Variants in ANKRD36 observed in about 807,000 individuals in gnomAD.
ANKRD36 encodes the protein ankyrin repeat domain-containing protein 36A.
ANKRD36 carries 179 observed loss-of-function variants against 278.1 expected under a neutral mutation model. That is an observed-to-expected ratio of 0.64 (90% CI 0.57 to 0.73). ANKRD36 has a LOEUF of 0.73. ANKRD36 is among the 30% of genes least tolerant of loss of function. The pLI is 0.00. For synonymous variants in ANKRD36, 320 were observed against 641.1 expected (o/e 0.50, Z 7.57); for missense variants, 1,159 against 1,956.7 (o/e 0.59, Z 7.69).
chr2:97,141,925 A>G (rs2042998606), intron 6 of ANKRD36, among the ~76,000 whole-genome samples: 1 of 152,256 alleles, frequency 6.6e-6, no homozygotes, highest in African/African-American at 2.4e-5. Flanking sequence ...GAAGTATGTC[A>G]ATATTGACAA....
chr2:97,146,533 T>A lies in ANKRD36; in HGVS notation c.1034+17T>A. 6.6e-7 allele frequency: 1 copy of A among 1,508,662 alleles called. No homozygotes were observed. Among genetic ancestry groups the A allele is most frequent in the Non-Finnish European group, 8.9e-7 (1 of 1,129,888 alleles). The allele number at this position is 1,508,662 out of a possible 1,614,324, so 93.5% of individuals were successfully genotyped here. On this transcript the variant is annotated intron_variant, in intron 11 of 75. Transcript: ENST00000420699. ...TTTAAACAGGTATGATTTTACAGAT[T>A]TTTTAAAGTGATATGTTAACTTAGT...
chr2:97,122,889 T>G lies in ANKRD36; in HGVS notation c.489T>G (p.Cys163Trp), dbSNP rs1417113712. The G allele has an allele frequency of 1.3e-6, 2 of 1,538,612 alleles. No homozygotes were observed. The highest frequency in any genetic ancestry group is 4.9e-5 in the East Asian group (2 of 40,514). Residue 163 changes from cysteine (C) to tryptophan (W), a missense_variant and splice_region_variant, in exon 4 of 76, where the codon TGT (cysteine) becomes TGG (tryptophan). Transcript: ENST00000420699. Reference sequence around the variant, plus strand: ...AAATTGTTGCTGTTATTTTACAGTGTGAATATCAGCCACTGTTATTTGCTG... The same window carrying G: ...AAATTGTTGCTGTTATTTTACAGTGGGAATATCAGCCACTGTTATTTGCTG... ...HGTNIEECSK[C>W]EYQPLLFAVS...
In ANKRD36 at chr2:97,199,849, G is replaced by A. The variant is rs373660219; in HGVS notation, c.2756-485G>A. Among the ~76,000 whole-genome samples, 5 of 152,010 alleles carry A rather than the reference G, an allele frequency of 3.3e-5. No homozygotes were observed. In the South Asian group the frequency reaches 8.4e-4, roughly 25 times the overall value. ...TGCACTGAAGAGATGTGAAGTGTAC[G>A]TTCAACTGGAGTGTCATCGTAATTG... On this transcript the variant is annotated intron_variant, in intron 44 of 75. Coordinates refer to ENST00000420699, the MANE Select transcript of ANKRD36 (RefSeq NM_001354587.1).
chr2:97,194,259 C>G (rs577120218), intron 38 of ANKRD36, among the ~76,000 whole-genome samples: 1 of 151,558 alleles, frequency 6.6e-6, no homozygotes, highest in South Asian at 2.1e-4. Flanking sequence ...GGAGGGTCAT[C>G]GTAATTGTGT....
chr2:97,210,257 T>C (rs1213216379), intron 56 of ANKRD36, among the ~76,000 whole-genome samples: 1 of 151,856 alleles, frequency 6.6e-6, no homozygotes, highest in African/African-American at 2.4e-5. Context: ...TAACTTGTTG[T>C]AATAACCCGT....
intron 58 of ANKRD36, among the ~76,000 whole-genome samples, chr2:97,212,552 G>T (rs543046557): frequency 6.6e-6 from 1 of 151,922 alleles, no homozygotes; most frequent in Admixed American, 6.6e-5. Context: ...TTAGAGAATA[G>T]CATGATACTC....
chr2:97,203,549 T>C (rs540701589), intron 48 of ANKRD36, among the ~76,000 whole-genome samples: 301 of 151,912 alleles, frequency 2.0e-3, no homozygotes, highest in Non-Finnish European at 3.2e-3. Flanking sequence ...AGGTGATGAA[T>C]GTAGGACACT....
At chr2:97,231,381 T>G (rs1057368343) in intron 67 of ANKRD36, among the ~76,000 whole-genome samples, 5 of 152,156 alleles carry the variant, frequency 3.3e-5, no homozygotes, top group African/African-American at 1.2e-4. Flanking sequence ...TGCAGTTTGA[T>G]CTCAGACTGC....
chr2:97,136,902 CA>C (rs1454855986), intron 6 of ANKRD36, among the ~76,000 whole-genome samples: 4 of 151,944 alleles, frequency 2.6e-5, no homozygotes, highest in African/African-American at 9.7e-5. Flanking sequence ...CTGCAATTCA[CA>C]TGTAAGGTAA....
chr2:97,217,680 C>T (rs1468192507), intron 64 of ANKRD36, among the ~76,000 whole-genome samples: 2 of 151,958 alleles, frequency 1.3e-5, no homozygotes, highest in African/African-American at 4.8e-5. Context: ...GAGCATGTTT[C>T]TATGGAAAGG....
At chr2:97,220,749 A>ATTTTTTTTTTTTTTTTTTTTT (rs1558889083) in intron 66 of ANKRD36, among the ~76,000 whole-genome samples, 2 of 86,900 alleles carry the variant, frequency 2.3e-5, no homozygotes, top group African/African-American at 1.2e-4. Flanking sequence ...TTTTTTTTTA[A>ATTTTTTTTTTTTTTTTTTTTT]TTTTTAATTT....
intron 30 of ANKRD36, among the ~76,000 whole-genome samples, chr2:97,186,578 T>C (rs1368398981): frequency 6.6e-6 from 1 of 151,482 alleles, no homozygotes; most frequent in Non-Finnish European, 1.5e-5. Context: ...AACTAGAGAA[T>C]ACAGGAAACT....
intron 46 of ANKRD36, among the ~76,000 whole-genome samples, chr2:97,200,949 C>A (rs532538521): frequency 3.9e-5 from 6 of 151,998 alleles, no homozygotes; most frequent in African/African-American, 1.4e-4. Context: ...GAGAAGACCC[C>A]TGATGTAGCA....
chr2:97,199,276 G>A (rs1266893618), intron 44 of ANKRD36, among the ~76,000 whole-genome samples: 3 of 151,894 alleles, frequency 2.0e-5, no homozygotes, highest in Non-Finnish European at 2.9e-5. Flanking sequence ...GGAAACAATG[G>A]TATAATTGGA....
chr2:97,115,364 T>C (rs1456878602), intron 1 of ANKRD36, among the ~76,000 whole-genome samples: 7 of 151,956 alleles, frequency 4.6e-5, no homozygotes, highest in Non-Finnish European at 1.0e-4. Flanking sequence ...ATGTTTATAT[T>C]CCTACAAATA....
chr2:97,141,285 GTC>G (rs766546460), intron 6 of ANKRD36, among the ~76,000 whole-genome samples: 1 of 144,684 alleles, frequency 6.9e-6, no homozygotes, highest in Admixed American at 7.0e-5. Flanking sequence ...AAGAAAAGAA[GTC>G]TCTTGTGATT....
chr2:97,226,838 A>G (rs1214791944), intron 67 of ANKRD36, among the ~76,000 whole-genome samples: 5 of 151,584 alleles, frequency 3.3e-5, no homozygotes, highest in Non-Finnish European at 5.9e-5. Context: ...GCAGCTTTCT[A>G]CATATGGCTA....
In ANKRD36 at chr2:97,217,345, A is replaced by G; in HGVS notation, c.3748A>G (p.Ile1250Val). The G allele has an allele frequency of 1.3e-6, 2 of 1,551,306 alleles. No homozygotes were observed. The highest frequency in any genetic ancestry group is 1.7e-6 in the Non-Finnish European group (2 of 1,148,458). The change falls in exon 64 of 76, where the codon ATA becomes GTA. Residue 1250 changes from isoleucine to valine, a missense_variant. Coordinates refer to ENST00000420699, the MANE Select transcript of ANKRD36 (RefSeq NM_001354587.1). ...TTCTCTTTTGAATATTGCCACAAGAATAACAGGCGGTTGGAAATCTGGAAC... is the reference window on the plus strand; with the variant it reads ...TTCTCTTTTGAATATTGCCACAAGAGTAACAGGCGGTTGGAAATCTGGAAC... ...KVSLLNIATRITGGWKSGTEY... is the reference protein window; with the variant it reads ...KVSLLNIATRVTGGWKSGTEY...
At position 97,225,894 on chromosome 2, in the gene ANKRD36, C is replaced by T. The variant is rs377363837; in HGVS notation, c.3951+1015C>T. On this transcript the variant is annotated intron_variant, in intron 67 of 75. Coordinates refer to ENST00000420699, the MANE Select transcript of ANKRD36 (RefSeq NM_001354587.1). ...TGCAGTGTTTGGTTTTTTGTCCTTG[C>T]GATAGTTTACTGAGAATGATGATTT... Among the ~76,000 whole-genome samples, 47 of 151,434 alleles carry T rather than the reference C, an allele frequency of 3.1e-4. 10 individuals carry two copies. Among genetic ancestry groups the T allele is most frequent in the East Asian group, 1.0e-3 (5 of 4,984 alleles).
Sources: allele counts gnomAD v4.1 joint callset (sites outside exome capture counted in the v4.1 genomes callset), GRCh38; gene constraint gnomAD v4.1.1; transcripts MANE v1.5; gene names NCBI Gene and HGNC (gene_info 2026-07-23, HGNC 2026-07-21).